Variants in MTUS2 observed in about 807,000 individuals in gnomAD.
The protein encoded by MTUS2 is microtubule associated scaffold protein 2.
Under a neutral mutation model 114.1 loss-of-function variants are expected in MTUS2, and 40 were observed. The observed-to-expected ratio is 0.35, with a 90% CI of 0.27 to 0.46. The LOEUF is 0.46. MTUS2 is among the 20% of genes least tolerant of loss of function. The pLI is 1.00. For missense variants in MTUS2, 1,679 were observed against 1,705.4 expected, an observed-to-expected ratio of 0.98 and a Z score of 0.27; for synonymous variants, 688 against 672.0, an observed-to-expected ratio of 1.02 and a Z score of -0.37.
At chr13:29,398,467 T>TAA (rs34771582) in intron 8 of MTUS2, among the ~76,000 whole-genome samples, 3,550 of 83,152 alleles carry the variant, frequency 0.043, 72 homozygotes, top group Admixed American at 0.098. Flanking sequence ...GTCTCAAAAT[T>TAA]AAAAAAAAAA....
intron 2 of MTUS2, among the ~76,000 whole-genome samples, chr13:28,853,015 G>T (rs1221953998): frequency 7.3e-6 from 1 of 136,364 alleles, no homozygotes; most frequent in Non-Finnish European, 1.6e-5. Flanking sequence ...TTTCATGCAA[G>T]ATTCCTATGG....
chr13:29,102,525 C>T (rs908462136), intron 5 of MTUS2, among the ~76,000 whole-genome samples: 1 of 151,912 alleles, frequency 6.6e-6, no homozygotes, highest in Non-Finnish European at 1.5e-5. Flanking sequence ...CCCTGAGCAC[C>T]CAGGGGATAA....
rs1006365725 is a variant in MTUS2 at position 28,881,235 on chromosome 13, T to C, written c.-243+41385T>C. The stretch of plus-strand genomic sequence containing the variant: ...AGTGAGAACATGCGGTATTTGATTT[T>C]CTGTTTCTGAGTTATTTCACTTAGG... On this transcript the variant is annotated intron_variant, in intron 2 of 15. Coordinates refer to ENST00000612955, the MANE Select transcript of MTUS2 (RefSeq NM_001033602.4). 5.9e-5 allele frequency among the ~76,000 whole-genome samples: 9 copies of C among 152,208 alleles called. 1 individual carries two copies. Among genetic ancestry groups the C allele is most frequent in the Non-Finnish European group, 1.3e-4 (9 of 68,042 alleles).
At chr13:29,203,650 G>A (rs896432950) in intron 5 of MTUS2, among the ~76,000 whole-genome samples, 2 of 152,092 alleles carry the variant, frequency 1.3e-5, no homozygotes, top group Non-Finnish European at 2.9e-5. Flanking sequence ...GGCCCTGGTG[G>A]CATAGGCACC....
At chr13:29,246,672 C>T (rs1324753390) in intron 5 of MTUS2, among the ~76,000 whole-genome samples, 2 of 152,078 alleles carry the variant, frequency 1.3e-5, no homozygotes, top group Non-Finnish European at 2.9e-5. Flanking sequence ...GGTTTTAAAG[C>T]AATGGAGTCA....
chr13:29,440,824 G>A (rs1877785415), intron 9 of MTUS2, among the ~76,000 whole-genome samples: 1 of 152,118 alleles, frequency 6.6e-6, no homozygotes, highest in African/African-American at 2.4e-5. Context: ...CGTGAGTGAA[G>A]GGATTGGAGC....
intron 5 of MTUS2, among the ~76,000 whole-genome samples, chr13:29,125,427 C>T (rs1280779377): frequency 2.0e-5 from 3 of 152,176 alleles, no homozygotes; most frequent in African/African-American, 7.2e-5. Flanking sequence ...TGACTGCTGT[C>T]AACAGAAGCA....
intron 2 of MTUS2, among the ~76,000 whole-genome samples, chr13:28,906,678 T>A (rs578016446): frequency 6.6e-6 from 1 of 151,734 alleles, no homozygotes; most frequent in South Asian, 2.1e-4. Flanking sequence ...CTTCCAACTA[T>A]GTGGTCAATT....
chr13:29,429,885 G>C (rs1376442520), intron 8 of MTUS2, among the ~76,000 whole-genome samples: 1 of 152,132 alleles, frequency 6.6e-6, no homozygotes, highest in Admixed American at 6.5e-5. Flanking sequence ...TTACCAGTCT[G>C]CTTATGAACT....
chr13:28,936,281 G>A (rs914997255), intron 2 of MTUS2, among the ~76,000 whole-genome samples: 1 of 152,166 alleles, frequency 6.6e-6, no homozygotes, highest in African/African-American at 2.4e-5. Flanking sequence ...GCCTTTGAAA[G>A]TCAACTTGGT....
intron 4 of MTUS2, among the ~76,000 whole-genome samples, chr13:29,086,860 A>G (rs1889714462): frequency 1.3e-5 from 2 of 151,828 alleles, no homozygotes; most frequent in Non-Finnish European, 2.9e-5. Context: ...ATTCCTAGGT[A>G]TTTTATTCTT....
intron 6 of MTUS2, among the ~76,000 whole-genome samples, chr13:29,311,657 T>C (rs778191004): frequency 3.3e-5 from 5 of 152,216 alleles, no homozygotes; most frequent in African/African-American, 4.8e-5. Flanking sequence ...CCTAGCCAGA[T>C]AACTTAGTTT....
intron 5 of MTUS2, among the ~76,000 whole-genome samples, chr13:29,278,045 G>A (rs970057016): frequency 6.6e-6 from 1 of 152,168 alleles, no homozygotes; most frequent in Non-Finnish European, 1.5e-5. Context: ...TATAACAGCT[G>A]GCTTGGCAGA....
At chr13:29,403,619 G>T (rs1331614880) in intron 8 of MTUS2, among the ~76,000 whole-genome samples, 5 of 152,188 alleles carry the variant, frequency 3.3e-5, no homozygotes, top group Non-Finnish European at 7.3e-5. Flanking sequence ...GAGGAAGAGA[G>T]AACTGGTTCT....
At chr13:29,009,191 A>G (rs1349394448) in intron 2 of MTUS2, among the ~76,000 whole-genome samples, 1 of 151,992 alleles carries the variant, frequency 6.6e-6, no homozygotes, top group African/African-American at 2.4e-5. Flanking sequence ...TCTCTCTGAA[A>G]AAATTACTTG....
chr13:28,898,709 A>C (rs1392003596), intron 2 of MTUS2, among the ~76,000 whole-genome samples: 1 of 152,244 alleles, frequency 6.6e-6, no homozygotes, highest in Non-Finnish European at 1.5e-5. Context: ...GGGAATCATT[A>C]CTGCAAATAA....
chr13:29,267,170 C>G (rs1442479808), intron 5 of MTUS2, among the ~76,000 whole-genome samples: 1 of 152,156 alleles, frequency 6.6e-6, no homozygotes, highest in Non-Finnish European at 1.5e-5. Context: ...TACTGACTTG[C>G]ATTGGTATAT....
chr13:29,185,016 A>C (rs577267513), intron 5 of MTUS2, among the ~76,000 whole-genome samples: 58 of 152,246 alleles, frequency 3.8e-4, no homozygotes, highest in African/African-American at 1.3e-3. Flanking sequence ...AAGAAACCCT[A>C]TATGAGAAAT....
chr13:29,014,519 G>T (rs1325943002), intron 2 of MTUS2, among the ~76,000 whole-genome samples: 4 of 152,156 alleles, frequency 2.6e-5, no homozygotes, highest in Non-Finnish European at 5.9e-5. Flanking sequence ...TTATTCTATT[G>T]GGAGAGGAAG....
Sources: allele counts gnomAD v4.1 joint callset (sites outside exome capture counted in the v4.1 genomes callset), GRCh38; gene constraint gnomAD v4.1.1; transcripts MANE v1.5; gene names NCBI Gene and HGNC (gene_info 2026-07-23, HGNC 2026-07-21).